The following VTA1 variants were observed in gnomAD, a reference collection of about 807,000 sequenced individuals.
The protein encoded by VTA1 is vesicle trafficking 1, also known as vacuolar protein sorting-associated protein VTA1 homolog.
VTA1 carries 24 observed loss-of-function variants against 36.9 expected under a neutral mutation model. The ratio of observed to expected loss-of-function variants is 0.65; its 90% confidence interval spans 0.47 to 0.91. The LOEUF is 0.91. VTA1 is among the 40% of genes least tolerant of loss of function. VTA1 has a pLI of 0.00. For synonymous variants in VTA1, 142 were observed against 130.2 expected (o/e 1.09, Z -0.62); for missense variants, 393 against 377.2 (o/e 1.04, Z -0.35).
Position 142,159,478 on chromosome 6 carries a change from GTATTATTATTATTATTATTATTAT to G in VTA1, c.113-6721_113-6698del, listed in dbSNP as rs199893577. 6.1e-3 allele frequency among the ~76,000 whole-genome samples: 822 copies of G among 134,840 alleles called. 6 individuals are homozygous for G. The highest frequency in any genetic ancestry group is 0.02 in the African/African-American group (741 of 36,698). 88.5% of individuals were successfully genotyped at this position (134,840 alleles called of 152,430 possible). The stretch of plus-strand genomic sequence containing the variant: ...CTGTCCACTGAATTTTTCATTTCAG[GTATTATTATTATTATTATTATTAT>G]TATTATTATTATTATTATTATTATT... On this transcript the variant is annotated intron_variant, in intron 1 of 7. Transcript: ENST00000367630.
intron 4 of VTA1, among the ~76,000 whole-genome samples, chr6:142,183,750 A>G (rs1775289817): frequency 6.6e-6 from 1 of 152,210 alleles, no homozygotes; most frequent in East Asian, 1.9e-4. Flanking sequence ...CAACATTGAA[A>G]AGTGAATTAG....
At chr6:142,201,137 G>A (rs1334683860) in intron 6 of VTA1, among the ~76,000 whole-genome samples, 3 of 151,736 alleles carry the variant, frequency 2.0e-5, no homozygotes, top group Admixed American at 2.0e-4. Context: ...TTCCCTTTAA[G>A]ATTGGTTTGA....
chr6:142,167,289 C>T (rs577145203), intron 2 of VTA1, among the ~76,000 whole-genome samples: 163 of 152,272 alleles, frequency 1.1e-3, no homozygotes, highest in African/African-American at 3.9e-3. Context: ...GTAATGAGGA[C>T]TCTGTCCTGT....
chr6:142,212,307 A>C (rs374248601), intron 7 of VTA1, among the ~76,000 whole-genome samples: 1 of 152,354 alleles, frequency 6.6e-6, no homozygotes, highest in East Asian at 1.9e-4. Flanking sequence ...ACTGCAGTAC[A>C]TCTAGACAAT....
chr6:142,168,740 CATTATTATTATTATTATTATT>C (rs3079231), intron 2 of VTA1, among the ~76,000 whole-genome samples: 1 of 140,808 alleles, frequency 7.1e-6, no homozygotes, highest in Non-Finnish European at 1.5e-5. Flanking sequence ...TGAGAGATAT[CATTATTATTATTATTATTATT>C]ATTATTATTA....
chr6:142,194,626 C>G (rs901934443), intron 5 of VTA1, among the ~76,000 whole-genome samples: 2 of 151,892 alleles, frequency 1.3e-5, no homozygotes, highest in Admixed American at 6.6e-5. Context: ...CTAAATTTAC[C>G]TATTGATTCT....
chr6:142,154,604 A>G (rs1469734473), intron 1 of VTA1, among the ~76,000 whole-genome samples: 1 of 152,084 alleles, frequency 6.6e-6, no homozygotes, highest in Non-Finnish European at 1.5e-5. Context: ...TGAATAAGTG[A>G]TAGAGTTTCT....
chr6:142,202,204 G>A (rs1335150114), intron 6 of VTA1, among the ~76,000 whole-genome samples: 1 of 151,850 alleles, frequency 6.6e-6, no homozygotes, highest in Non-Finnish European at 1.5e-5. Context: ...GGCAAGTTTT[G>A]TGGAGAAAAT....
chr6:142,211,372 T>C (rs225700), intron 7 of VTA1, among the ~76,000 whole-genome samples: 65,351 of 151,860 alleles, frequency 0.43, 15,059 homozygotes, highest in Middle Eastern at 0.56. Context: ...TGACTTTGGG[T>C]TGAGCAATGA....
At chr6:142,200,447 TTTTG>T (rs1428821980) in intron 6 of VTA1, among the ~76,000 whole-genome samples, 28 of 151,852 alleles carry the variant, frequency 1.8e-4, no homozygotes, top group African/African-American at 6.8e-4. Flanking sequence ...GTCCAAGGAG[TTTTG>T]TTTTAGACAG....
rs190971313 is a variant in VTA1, at chr6:142,189,415, C to T, written c.412-11C>T. On this transcript the variant is annotated splice_polypyrimidine_tract_variant and intron_variant, in intron 4 of 7. Coordinates refer to ENST00000367630, the MANE Select transcript of VTA1 (RefSeq NM_016485.5). Reference sequence around the variant, plus strand: ...ATAGTCCAATGTTGATATAAAAATGCTCTCTTTTAGAATGTGAAACACAGG... The same window carrying T: ...ATAGTCCAATGTTGATATAAAAATGTTCTCTTTTAGAATGTGAAACACAGG... 12 of 1,598,662 alleles carry T rather than the reference C, an allele frequency of 7.5e-6. No individual in the cohort carries two copies. The East Asian group carries it at 2.5e-4, about 33-fold the overall frequency.
At chr6:142,202,292 G>A (rs1775703295) in intron 6 of VTA1, among the ~76,000 whole-genome samples, 1 of 151,918 alleles carries the variant, frequency 6.6e-6, no homozygotes, top group Admixed American at 6.6e-5. Context: ...GAATAGGTCA[G>A]CCTAAGATTT....
At chr6:142,173,313 G>A (rs765478790) in intron 4 of VTA1, among the ~76,000 whole-genome samples, 3 of 152,198 alleles carry the variant, frequency 2.0e-5, no homozygotes, top group Non-Finnish European at 4.4e-5. Context: ...AAACACATTC[G>A]TAGATGTGAA....
At position 142,180,081 on chromosome 6, in the gene VTA1, A is replaced by T. The variant is rs1013294360; in HGVS notation, c.412-9345A>T. 3.9e-5 allele frequency among the ~76,000 whole-genome samples: 6 copies of T among 152,312 alleles called. No homozygotes were observed. The East Asian group carries it at 1.2e-3, about 29-fold the overall frequency. On this transcript the variant is annotated intron_variant, in intron 4 of 7. Coordinates refer to ENST00000367630, the MANE Select transcript of VTA1 (RefSeq NM_016485.5). ...TATACTATAGTTTGTGTATCTGTAT[A>T]CTCTGCTAGGAGCAATGATGCAGCA...
At position 142,219,816 on chromosome 6, in the gene VTA1, G is replaced by A. The variant is rs1006741891; in HGVS notation, c.*1173G>A. The A allele has an allele frequency of 7.2e-5, 11 of 152,128 alleles. No individual in the cohort carries two copies. The highest frequency in any genetic ancestry group is 3.9e-4 in the Admixed American group (6 of 15,264). The allele number at this position is 152,128 out of a possible 1,614,324, so 9.4% of individuals were successfully genotyped here. On this transcript the variant is annotated 3_prime_UTR_variant, in exon 8 of 8. Transcript: ENST00000367630. ...AATCTTTAAACACAAGGGTCAGCAA[G>A]CTTTGGCCCATGGATTGGCCACCTG...
At chr6:142,201,535 C>G (rs1775684602) in intron 6 of VTA1, among the ~76,000 whole-genome samples, 1 of 151,790 alleles carries the variant, frequency 6.6e-6, no homozygotes, top group African/African-American at 2.4e-5. Context: ...TTTTTTCTTT[C>G]TCAAGAAACA....
intron 2 of VTA1, 66 bp from the exon 3 acceptor site, chr6:142,169,484 G>T: frequency 6.8e-7 from 1 of 1,462,380 alleles, no homozygotes; most frequent in Non-Finnish European, 9.3e-7. Flanking sequence ...TATTAGAATT[G>T]TTTGTAATTA....
At chr6:142,180,233 A>G (rs1775201677) in intron 4 of VTA1, among the ~76,000 whole-genome samples, 1 of 152,210 alleles carries the variant, frequency 6.6e-6, no homozygotes. Flanking sequence ...GGCTACAGAT[A>G]AGGCCAGACC....
chr6:142,204,297 C>CT (rs1199788131), intron 7 of VTA1, among the ~76,000 whole-genome samples: 2 of 152,066 alleles, frequency 1.3e-5, no homozygotes, highest in African/African-American at 2.4e-5. Flanking sequence ...TGTTACAGTT[C>CT]TTTTTTTCAT....
Sources: gnomAD v4.1 joint callset for allele counts (sites outside exome capture counted in the v4.1 genomes callset) on GRCh38, gnomAD v4.1.1 for gene constraint, MANE v1.5 for transcripts, NCBI Gene and HGNC (gene_info 2026-07-23, HGNC 2026-07-21) for gene names.